SYN3: variants seen among roughly 807,000 people sequenced by gnomAD.
The protein encoded by SYN3 is synapsin III, also known as synapsin-3.
A neutral mutation model predicts 65.8 loss-of-function variants in SYN3; 35 were observed. That is an observed-to-expected ratio of 0.53 (90% CI 0.41 to 0.70). The LOEUF is 0.70. SYN3 is among the 30% of genes least tolerant of loss of function. The probability of loss-of-function intolerance (pLI) is 0.00; values close to 1 mark genes in which losing one functional copy is unlikely to be tolerated. For synonymous variants in SYN3, 270 were observed against 292.9 expected, an observed-to-expected ratio of 0.92 and a Z score of 0.80; for missense variants, 680 against 749.0, an observed-to-expected ratio of 0.91 and a Z score of 1.08.
chr22:32,979,997 G>A (rs1389399824), intron 3 of SYN3, among the ~76,000 whole-genome samples: 1 of 152,038 alleles, frequency 6.6e-6, no homozygotes, highest in Admixed American at 6.6e-5. Context: ...TTGATCTGGA[G>A]CCAGGAGACC....
At chr22:32,701,283 T>C (rs956621921) in intron 6 of SYN3, among the ~76,000 whole-genome samples, 1 of 152,224 alleles carries the variant, frequency 6.6e-6, no homozygotes, top group Admixed American at 6.5e-5. Context: ...CTCCCACTGA[T>C]GCAATTACTT....
intron 1 of SYN3, among the ~76,000 whole-genome samples, chr22:33,017,955 C>T (rs2053497664): frequency 6.6e-6 from 1 of 152,034 alleles, no homozygotes; most frequent in Admixed American, 6.6e-5. Flanking sequence ...ATGGCCAGCT[C>T]CATCAGGAAG....
At chr22:32,946,154 A>G (rs982728094) in intron 3 of SYN3, among the ~76,000 whole-genome samples, 2 of 152,238 alleles carry the variant, frequency 1.3e-5, no homozygotes, top group African/African-American at 4.8e-5. Context: ...AGGATCTAGA[A>G]TTAGAAATAC....
At chr22:32,983,565 G>A (rs988369016) in intron 2 of SYN3, among the ~76,000 whole-genome samples, 2 of 152,110 alleles carry the variant, frequency 1.3e-5, no homozygotes, top group Non-Finnish European at 2.9e-5. Flanking sequence ...TCAACTAGGC[G>A]GTAGTTTAGT....
chr22:32,719,732 C>T (rs2061089453), intron 6 of SYN3, among the ~76,000 whole-genome samples: 1 of 152,122 alleles, frequency 6.6e-6, no homozygotes, highest in Non-Finnish European at 1.5e-5. Flanking sequence ...CCTGTAGTCC[C>T]AGCTACTCGG....
At chr22:32,814,164 GAGAA>G (rs2046999196) in intron 6 of SYN3, among the ~76,000 whole-genome samples, 3 of 121,914 alleles carry the variant, frequency 2.5e-5, no homozygotes, top group Non-Finnish European at 5.0e-5. Context: ...GAGAGAGAGA[GAGAA>G]AGAGAAAGAA....
rs2057690453 is a variant in SYN3, at chr22:32,511,443, A to C, written c.*2249T>G. ...TGCATCATCTCAGCTGCCTCTGGAT[A>C]GGATTCTGCCAGCTCCTGGCCAGAC... On this transcript the variant is annotated 3_prime_UTR_variant, in exon 14 of 14. Transcript: ENST00000358763. Among the ~76,000 whole-genome samples, 1 of 152,228 alleles carries C rather than the reference A, an allele frequency of 6.6e-6. No homozygotes were observed. The highest frequency in any genetic ancestry group is 1.5e-5 in the Non-Finnish European group (1 of 68,024).
Position 32,588,921 on chromosome 22 carries a change from A to G in SYN3, c.774+7753T>C, listed in dbSNP as rs571353158. On this transcript the variant is annotated intron_variant, in intron 7 of 13. Transcript: ENST00000358763. ...TAAGACATGCTCACCAGTACATGCC[A>G]GTTTACCCTTGCCAGTAACTCAGAA... 1.9e-3 allele frequency among the ~76,000 whole-genome samples: 284 copies of G among 152,350 alleles called. 1 individual carries two copies. Among genetic ancestry groups the G allele is most frequent in the African/African-American group, 6.6e-3 (276 of 41,588 alleles).
At position 32,971,305 on chromosome 22, in the gene SYN3, C is replaced by G. The variant is rs1423277235; in HGVS notation, c.369+9340G>C. Among the ~76,000 whole-genome samples the G allele has an allele frequency of 2.0e-5, 3 of 152,172 alleles. No individual in the cohort carries two copies. In the East Asian group the frequency reaches 5.8e-4, roughly 29 times the overall value. On this transcript the variant is annotated intron_variant, in intron 3 of 13. Transcript: ENST00000358763. Reference sequence around the variant, plus strand: ...GTATTCCACCTGCTTTTTTTATCCCCCCAGCTGGTTCTTAGATTTGAAAAG... The same window carrying G: ...GTATTCCACCTGCTTTTTTTATCCCGCCAGCTGGTTCTTAGATTTGAAAAG...
Position 32,660,124 on chromosome 22 carries a change from T to C in SYN3, c.712-63388A>G, listed in dbSNP as rs79482573. On this transcript the variant is annotated intron_variant, in intron 6 of 13. Coordinates refer to ENST00000358763, the MANE Select transcript of SYN3 (RefSeq NM_003490.4). ...GAACATCCATGCATTGAGCACCCAT[T>C]ACCTCCTGGATCTGCTGCTAGAGGC... is the stretch of plus-strand genomic sequence containing the variant. 1.5e-3 allele frequency among the ~76,000 whole-genome samples: 223 copies of C among 152,294 alleles called. 5 individuals are homozygous for C. In the East Asian group the frequency reaches 0.037, roughly 25 times the overall value.
intron 3 of SYN3, among the ~76,000 whole-genome samples, chr22:32,944,616 C>T (rs2051047797): frequency 6.6e-6 from 1 of 152,186 alleles, no homozygotes; most frequent in Admixed American, 6.5e-5. Flanking sequence ...TGGAAGCATT[C>T]CCCTTGAAAA....
At chr22:33,041,961 G>A (rs558116478) in intron 1 of SYN3, among the ~76,000 whole-genome samples, 1 of 152,240 alleles carries the variant, frequency 6.6e-6, no homozygotes, top group African/African-American at 2.4e-5. Context: ...CAGCTGCTAA[G>A]GACTGAATGT....
At chr22:32,892,903 T>C (rs1251113907) in intron 4 of SYN3, among the ~76,000 whole-genome samples, 1 of 151,872 alleles carries the variant, frequency 6.6e-6, no homozygotes, top group African/African-American at 2.4e-5. Context: ...AGAAGTGAAT[T>C]TAAGGGAAAA....
chr22:32,990,435 T>G (rs2052678901), intron 2 of SYN3, among the ~76,000 whole-genome samples: 1 of 147,366 alleles, frequency 6.8e-6, no homozygotes, highest in Non-Finnish European at 1.5e-5. Context: ...CATCCATCCA[T>G]CCATCCATCC....
intron 6 of SYN3, among the ~76,000 whole-genome samples, chr22:32,661,730 T>G (rs1446064544): frequency 6.6e-6 from 1 of 152,066 alleles, no homozygotes; most frequent in African/African-American, 2.4e-5. Context: ...ACCAACATCC[T>G]CAAAGAGCAT....
At chr22:32,578,252 TCC>T (rs1365358686) in intron 7 of SYN3, among the ~76,000 whole-genome samples, 11 of 139,718 alleles carry the variant, frequency 7.9e-5, no homozygotes, top group Admixed American at 1.4e-4. Context: ...TCTCTCTCTC[TCC>T]CTCTCTCTTT....
chr22:32,523,968 C>A (rs1052305419), intron 12 of SYN3, among the ~76,000 whole-genome samples: 1 of 152,210 alleles, frequency 6.6e-6, no homozygotes, highest in South Asian at 2.1e-4. Context: ...TCAAACCAGA[C>A]GCAACATTGC....
intron 3 of SYN3, among the ~76,000 whole-genome samples, chr22:32,942,336 G>T (rs749057600): frequency 1.3e-5 from 2 of 152,216 alleles, no homozygotes; most frequent in Non-Finnish European, 2.9e-5. Context: ...AGGCAAACAA[G>T]GTCTGGAGTG....
intron 6 of SYN3, among the ~76,000 whole-genome samples, chr22:32,645,019 G>A (rs930666823): frequency 1.3e-5 from 2 of 152,200 alleles, no homozygotes; most frequent in African/African-American, 4.8e-5. Flanking sequence ...GGCAGACACA[G>A]GAGGAGAGAA....
Sources: gnomAD v4.1 joint callset for allele counts (sites outside exome capture counted in the v4.1 genomes callset) on GRCh38, gnomAD v4.1.1 for gene constraint, MANE v1.5 for transcripts, NCBI Gene and HGNC (gene_info 2026-07-23, HGNC 2026-07-21) for gene names.